The following IQCB1 variants were observed in gnomAD, a reference collection of about 807,000 sequenced individuals.
IQCB1 encodes the protein IQ calmodulin-binding motif-containing protein 1.
A neutral mutation model predicts 84.4 loss-of-function variants in IQCB1; 56 were observed. The observed-to-expected ratio is 0.66, with a 90% CI of 0.54 to 0.83. IQCB1 has a LOEUF of 0.83. IQCB1 is among the 40% of genes least tolerant of loss of function. The probability of loss-of-function intolerance (pLI) is 0.00; values close to 1 mark genes in which losing one functional copy is unlikely to be tolerated. For missense variants in IQCB1, 629 were observed against 682.1 expected (o/e 0.92, Z 0.87); for synonymous variants, 210 against 234.8 (o/e 0.89, Z 0.96).
At position 121,803,132 on chromosome 3, in the gene IQCB1, G is replaced by A. The variant is rs573248048; in HGVS notation, c.588-3758C>T. ...TGTAGTGATGTGATCTCAACTCACC[G>A]TAACCTCTGCTTCCTGGGCTCAAGA... On this transcript the variant is annotated intron_variant, in intron 7 of 14. Transcript: ENST00000310864. Among the ~76,000 whole-genome samples the A allele has an allele frequency of 7.9e-5, 12 of 152,140 alleles. No individual in the cohort carries two copies. The South Asian group carries it at 2.1e-3, about 26-fold the overall frequency.
intron 7 of IQCB1, among the ~76,000 whole-genome samples, chr3:121,803,984 GTTC>G (rs878963737): frequency 6.7e-5 from 10 of 150,178 alleles, no homozygotes; most frequent in African/African-American, 1.5e-4. Flanking sequence ...TTTCTCCTTT[GTTC>G]TTCTTTTTTT....
intron 5 of IQCB1, among the ~76,000 whole-genome samples, chr3:121,825,287 C>G (rs1365800522): frequency 6.6e-6 from 1 of 151,948 alleles, no homozygotes; most frequent in African/African-American, 2.4e-5. Flanking sequence ...CTCAAACTCC[C>G]AACCTCAGGT....
At chr3:121,782,541 T>C (rs992358492) in intron 12 of IQCB1, among the ~76,000 whole-genome samples, 1 of 152,254 alleles carries the variant, frequency 6.6e-6, no homozygotes, top group South Asian at 2.1e-4. Context: ...ATTTTGTTTT[T>C]GTTTTTTTTG....
chr3:121,805,433 G>A (rs569718927), intron 7 of IQCB1, among the ~76,000 whole-genome samples: 8 of 152,244 alleles, frequency 5.3e-5, no homozygotes, highest in Non-Finnish European at 1.0e-4. Context: ...AAGCCAAATC[G>A]AAGGATAGCC....
chr3:121,825,916 G>A (rs1950450323), intron 5 of IQCB1, 135 bp downstream of exon 5: 1 of 850,380 alleles, frequency 1.2e-6, no homozygotes, highest in South Asian at 1.6e-5. Flanking sequence ...ATTTTTGGAA[G>A]GTTGTAACTT....
chr3:121,782,112 AG>A (rs1358840548), intron 12 of IQCB1, among the ~76,000 whole-genome samples: 1 of 152,172 alleles, frequency 6.6e-6, no homozygotes, highest in African/African-American at 2.4e-5. Flanking sequence ...AGCAATGAAG[AG>A]GAAAAAAAAG....
At chr3:121,781,364 C>T (rs935490473) in intron 13 of IQCB1, among the ~76,000 whole-genome samples, 1 of 152,170 alleles carries the variant, frequency 6.6e-6, no homozygotes, top group Admixed American at 6.5e-5. Flanking sequence ...TCTGGAGGTA[C>T]ATTAGTAGTC....
chr3:121,832,453 A>G (rs1212121899), intron 2 of IQCB1, among the ~76,000 whole-genome samples: 1 of 151,888 alleles, frequency 6.6e-6, no homozygotes, highest in African/African-American at 2.4e-5. Context: ...CAGCCTCCCA[A>G]GTAGCTGGGA....
chr3:121,797,093 A>ATTT, intron 9 of IQCB1, 25 bp downstream of exon 9: 18 of 951,692 alleles, frequency 1.9e-5, no homozygotes, highest in African/African-American at 3.3e-5. Flanking sequence ...ATATCATGCA[A>ATTT]TTTTTTTTTT....
chr3:121,832,364 T>G (rs1280197753), intron 2 of IQCB1, among the ~76,000 whole-genome samples: 1 of 151,458 alleles, frequency 6.6e-6, no homozygotes, highest in African/African-American at 2.4e-5. Flanking sequence ...TCTGACTCTG[T>G]TTACCCTGGC....
chr3:121,774,370 G>A (rs1375013771), intron 13 of IQCB1, among the ~76,000 whole-genome samples: 10 of 152,144 alleles, frequency 6.6e-5, no homozygotes. Context: ...AAACAGTATG[G>A]CAGTTCCTCA....
chr3:121,819,410 C>CT (rs1443419712), intron 5 of IQCB1, among the ~76,000 whole-genome samples: 2 of 152,136 alleles, frequency 1.3e-5, no homozygotes, highest in Non-Finnish European at 2.9e-5. Flanking sequence ...TGGGGAGTGG[C>CT]TGTAAATACA....
Position 121,817,661 on chromosome 3 carries a change from A to G in IQCB1, c.393+8390T>C, listed in dbSNP as rs933072349. 5.9e-5 allele frequency among the ~76,000 whole-genome samples: 9 copies of G among 151,760 alleles called. 1 individual carries two copies. Among genetic ancestry groups the G allele is most frequent in the Admixed American group, 5.2e-4 (8 of 15,250 alleles). On this transcript the variant is annotated intron_variant, in intron 5 of 14. Transcript: ENST00000310864. ...ATGTAAGACTGTGTCTATTCTTTAT[A>G]TACTCAAAGCACCATAAATAGAACT...
intron 7 of IQCB1, among the ~76,000 whole-genome samples, chr3:121,804,593 T>G (rs951330283): frequency 6.6e-6 from 1 of 152,154 alleles, no homozygotes; most frequent in Non-Finnish European, 1.5e-5. Flanking sequence ...CATCCTTATC[T>G]CTATTTCTCT....
intron 13 of IQCB1, among the ~76,000 whole-genome samples, chr3:121,778,288 A>T (rs893290779): frequency 1.3e-5 from 2 of 151,990 alleles, no homozygotes; most frequent in Admixed American, 1.3e-4. Context: ...CCTTTGTTAG[A>T]TGTATAGCTT....
Position 121,781,790 on chromosome 3 carries a change from G to A in IQCB1, c.1363C>T (p.Arg455Ter), listed in dbSNP as rs866982675. The part of the protein sequence containing the change: ...RGLQELTDAR[R>*]VELKKRVDDY... Reference sequence around the variant, plus strand: ...TCCACTCGTTTCTTCAGTTCAACTCGGCGTGCATCAGTGAGTTCTTGGAGT... The same window carrying A: ...TCCACTCGTTTCTTCAGTTCAACTCAGCGTGCATCAGTGAGTTCTTGGAGT... Residue 455 changes from arginine (R) to a stop codon, truncating the protein, a stop_gained, in exon 13 of 15, where the codon CGA becomes TGA. Coordinates refer to ENST00000310864, the MANE Select transcript of IQCB1 (RefSeq NM_001023570.4). LOFTEE classifies it high-confidence loss of function. 6.2e-6 allele frequency: 10 copies of A among 1,613,668 alleles called. No individual in the cohort carries two copies. Among genetic ancestry groups the A allele is most frequent in the South Asian group, 4.4e-5 (4 of 91,048 alleles).
At chr3:121,771,390 G>A (rs1055976722) in intron 14 of IQCB1, among the ~76,000 whole-genome samples, 27 of 149,038 alleles carry the variant, frequency 1.8e-4, no homozygotes, top group Non-Finnish European at 2.8e-4. Flanking sequence ...GTGCAGTAGC[G>A]CGATCTCTGC....
intron 9 of IQCB1, among the ~76,000 whole-genome samples, chr3:121,796,301 T>C (rs1576570546): frequency 6.6e-6 from 1 of 152,178 alleles, no homozygotes; most frequent in Non-Finnish European, 1.5e-5. Context: ...ATTTTCATGG[T>C]TTCTGCTTGT....
chr3:121,820,730 C>T (rs1950240783), intron 5 of IQCB1, among the ~76,000 whole-genome samples: 1 of 86,134 alleles, frequency 1.2e-5, no homozygotes, highest in South Asian at 3.8e-4. Context: ...TATATATTAT[C>T]TGTATAAAAG....
Sources: allele counts gnomAD v4.1 joint callset (sites outside exome capture counted in the v4.1 genomes callset), GRCh38; gene constraint gnomAD v4.1.1; transcripts MANE v1.5; gene names NCBI Gene and HGNC (gene_info 2026-07-23, HGNC 2026-07-21).